The following DPP6 variants were observed in gnomAD, a reference collection of about 807,000 sequenced individuals.
The protein encoded by DPP6 is A-type potassium channel modulatory protein DPP6.
Under a neutral mutation model 122.6 loss-of-function variants are expected in DPP6, and 69 were observed. The observed-to-expected ratio is 0.56, with a 90% CI of 0.46 to 0.69. The LOEUF (loss-of-function observed/expected upper bound fraction) is 0.69, where lower values mean the gene tolerates loss of function less well. DPP6 is among the 30% of genes least tolerant of loss of function. DPP6 has a pLI of 0.00. For synonymous variants in DPP6, 418 were observed against 433.1 expected (o/e 0.97, Z 0.43); for missense variants, 928 against 1,116.9 (o/e 0.83, Z 2.41).
At chr7:154,567,033 A>T (rs1830802161) in intron 5 of DPP6, 117 bp downstream of exon 5, 1 of 758,476 alleles carries the variant, frequency 1.3e-6, no homozygotes, top group Non-Finnish European at 2.1e-6. Context: ...AATACTTTGT[A>T]CATCCTGGAA....
chr7:154,749,463 G>T (rs1843234500), intron 8 of DPP6, among the ~76,000 whole-genome samples: 1 of 135,230 alleles, frequency 7.4e-6, no homozygotes, highest in Non-Finnish European at 1.7e-5. Context: ...TTTACTGAGA[G>T]AGGGTGAGAG....
At chr7:154,494,823 A>G (rs1481602556) in intron 3 of DPP6, among the ~76,000 whole-genome samples, 1 of 152,218 alleles carries the variant, frequency 6.6e-6, no homozygotes, top group Non-Finnish European at 1.5e-5. Flanking sequence ...AAAAAATGGT[A>G]TAAAAATAAA....
intron 1 of DPP6, among the ~76,000 whole-genome samples, chr7:154,257,227 G>T (rs1802715408): frequency 6.6e-6 from 1 of 151,858 alleles, no homozygotes; most frequent in Non-Finnish European, 1.5e-5. Context: ...GCCCAAAAGG[G>T]ATCTTCCTGC....
intron 6 of DPP6, among the ~76,000 whole-genome samples, chr7:154,643,844 A>G (rs192886852): frequency 1.3e-5 from 2 of 152,332 alleles, no homozygotes; most frequent in East Asian, 1.9e-4. Flanking sequence ...TTTGACTTGA[A>G]GTGAGCCTGA....
At chr7:154,437,482 A>G (rs1459570002) in intron 1 of DPP6, among the ~76,000 whole-genome samples, 1 of 152,146 alleles carries the variant, frequency 6.6e-6, no homozygotes, top group Non-Finnish European at 1.5e-5. Flanking sequence ...CCATACTACA[A>G]GGCTGGTGGA....
At chr7:153,772,688 T>TA in the DPP6 span, among the ~76,000 whole-genome samples, 1 of 150,008 alleles carries the variant, frequency 6.7e-6, no homozygotes, top group Non-Finnish European at 1.5e-5. Context: ...CAGATTGGAT[T>TA]AAAAAAGAAA....
In DPP6 at chr7:153,908,064, A is replaced by C. The variant is rs553146073; in HGVS notation, c.51+20330A>C. 2.4e-4 allele frequency among the ~76,000 whole-genome samples: 36 copies of C among 149,094 alleles called. 1 individual carries two copies. In the East Asian group the frequency reaches 6.7e-3, roughly 28 times the overall value. ...TTTTTTTTTTTGCTTAATTGAAAGA[A>C]GACAACAAGAATTGATACATTGATA... On this transcript the variant is annotated intron_variant, in intron 1 of 25. Transcript: ENST00000404039.
chr7:154,312,396 T>C (rs1175754158), intron 1 of DPP6, among the ~76,000 whole-genome samples: 2 of 152,184 alleles, frequency 1.3e-5, no homozygotes, highest in Non-Finnish European at 2.9e-5. Context: ...GTTGCTGATA[T>C]AATGAAGTCT....
chr7:153,836,461 G>A, the DPP6 span, among the ~76,000 whole-genome samples: 1 of 152,114 alleles, frequency 6.6e-6, no homozygotes, highest in Non-Finnish European at 1.5e-5. Context: ...GGAAAAGTGG[G>A]TTCAAAAGTT....
rs901199947 is a variant in DPP6, at chr7:154,863,192, G to A, written c.1715-4803G>A. Reference sequence around the variant, plus strand: ...ATTGGGATTACAGACGTGAGCCACCGCACCCGAACCCTTTCCTTTGTCTTT... The same window carrying A: ...ATTGGGATTACAGACGTGAGCCACCACACCCGAACCCTTTCCTTTGTCTTT... On this transcript the variant is annotated intron_variant, in intron 17 of 25. Transcript: ENST00000377770. This position sits in a 1 kb window ranked among gnomAD's most constrained non-coding sequence, Gnocchi z 4.1. 5.9e-5 allele frequency among the ~76,000 whole-genome samples: 9 copies of A among 152,138 alleles called. No homozygotes were observed. Among genetic ancestry groups the A allele is most frequent in the East Asian group, 1.9e-4 (1 of 5,188 alleles).
intron 1 of DPP6, among the ~76,000 whole-genome samples, chr7:154,138,430 A>C (rs574090899): frequency 7.2e-4 from 109 of 152,358 alleles, no homozygotes; most frequent in South Asian, 1.0e-3. Flanking sequence ...GGGATCAGGC[A>C]GGTAACTCTG....
intron 3 of DPP6, among the ~76,000 whole-genome samples, chr7:154,512,023 G>T (rs1387637498): frequency 6.6e-6 from 1 of 152,086 alleles, no homozygotes; most frequent in East Asian, 1.9e-4. Flanking sequence ...ACATAAAATT[G>T]GTCTAGTAAC....
chr7:153,860,657 A>AC, the DPP6 span, among the ~76,000 whole-genome samples: 1,774 of 152,150 alleles, frequency 0.012, 30 homozygotes, highest in African/African-American at 0.041. Flanking sequence ...CCTTCAAAAA[A>AC]AAAAAAAAGG....
intron 8 of DPP6, among the ~76,000 whole-genome samples, chr7:154,766,756 C>T (rs951795109): frequency 2.0e-5 from 3 of 152,204 alleles, no homozygotes; most frequent in Admixed American, 2.0e-4. Flanking sequence ...GGCCAGCCTT[C>T]ACCCACATTT....
chr7:154,061,621 G>T lies in DPP6; in HGVS notation c.243+8558G>T, dbSNP rs1443061928. Among the ~76,000 whole-genome samples the T allele has an allele frequency of 3.6e-4, 38 of 104,954 alleles. 4 individuals carry two copies. Among genetic ancestry groups the T allele is most frequent in the African/African-American group, 7.2e-4 (22 of 30,430 alleles). The allele number at this position is 104,954 out of a possible 152,430, so 68.9% of individuals were successfully genotyped here. On this transcript the variant is annotated intron_variant, in intron 1 of 25. Coordinates refer to ENST00000377770, the MANE Select transcript of DPP6 (RefSeq NM_130797.4). ...GGCTCTTGGGACTCCCATCACAGGG[G>T]GGGGAGGCACCCGCTGCGAGGCGGG...
chr7:153,970,543 A>G (rs1485518880), intron 1 of DPP6, among the ~76,000 whole-genome samples: 1 of 152,122 alleles, frequency 6.6e-6, no homozygotes. Context: ...TTTGACTGTC[A>G]TACTCTATTT....
chr7:153,813,595 C>G, the DPP6 span, among the ~76,000 whole-genome samples: 1 of 152,032 alleles, frequency 6.6e-6, no homozygotes, highest in Non-Finnish European at 1.5e-5. Flanking sequence ...CCTGAGGAAT[C>G]GCCACACTGA....
rs71184039 is a variant in DPP6 at position 154,821,649 on chromosome 7, CAT to C, written c.1666+14551_1666+14552del. 0.087 allele frequency among the ~76,000 whole-genome samples: 8,207 copies of C among 94,404 alleles called. 760 individuals carry two copies. Among genetic ancestry groups the C allele is most frequent in the African/African-American group, 0.27 (7,300 of 27,410 alleles). 61.9% of individuals were successfully genotyped at this position (94,404 alleles called of 152,430 possible). ...TTCTGTATATATATATATATATACA[CAT>C]ATATATATATATACACATATATATA... On this transcript the variant is annotated intron_variant, in intron 16 of 25. Coordinates refer to ENST00000377770, the MANE Select transcript of DPP6 (RefSeq NM_130797.4). This position sits in a 1 kb window ranked among gnomAD's most constrained non-coding sequence, Gnocchi z 4.2.
At chr7:154,564,265 A>G (rs1830603185) in intron 4 of DPP6, among the ~76,000 whole-genome samples, 1 of 152,330 alleles carries the variant, frequency 6.6e-6, no homozygotes, top group Middle Eastern at 3.4e-3. Flanking sequence ...TAGGAGGAGA[A>G]AAATGGAAGC....
Sources: allele counts gnomAD v4.1 joint callset (sites outside exome capture counted in the v4.1 genomes callset), GRCh38; gene constraint gnomAD v4.1.1; non-coding constraint Gnocchi (gnomAD v3.1); transcripts MANE v1.5; gene names NCBI Gene and HGNC (gene_info 2026-07-23, HGNC 2026-07-21).